The following PCNX2 variants were observed in gnomAD, a reference collection of about 807,000 sequenced individuals.
PCNX2 encodes pecanex 2.
Under a neutral mutation model 223.8 loss-of-function variants are expected in PCNX2, and 168 were observed. The ratio of observed to expected loss-of-function variants is 0.75; its 90% CI spans 0.66 to 0.85. The LOEUF is 0.85. Among genes scored for constraint, PCNX2 ranks in the 40% least tolerant of loss-of-function variants. The probability of loss-of-function intolerance (pLI) is 0.00; values close to 1 mark genes in which losing one functional copy is unlikely to be tolerated. For missense variants in PCNX2, 2,507 were observed against 2,675.5 expected (o/e 0.94, Z 1.39); for synonymous variants, 1,006 against 1,052.6 (o/e 0.96, Z 0.86).
At chr1:233,321,944 A>T in the PCNX2 span, among the ~76,000 whole-genome samples, 6 of 152,192 alleles carry the variant, frequency 3.9e-5, no homozygotes, top group African/African-American at 1.2e-4. Flanking sequence ...AGACCCCCTG[A>T]AAAGATCTCA....
At chr1:233,187,275 T>C (rs1411568021) in intron 15 of PCNX2, among the ~76,000 whole-genome samples, 4 of 152,214 alleles carry the variant, frequency 2.6e-5, no homozygotes, top group African/African-American at 7.2e-5. Flanking sequence ...ATTTTTCACA[T>C]AGAATTGATT....
In PCNX2 at chr1:233,120,221, G is replaced by A. The variant is rs1167575076; in HGVS notation, c.3837+14792C>T. ...AAAAAAGAAAAAAAAAGAGTATAGA[G>A]TATATAAAGAATTCTCAAAATTAAA... is the stretch of plus-strand genomic sequence containing the variant. On this transcript the variant is annotated intron_variant, in intron 21 of 33. Coordinates refer to ENST00000258229, the MANE Select transcript of PCNX2 (RefSeq NM_014801.4). Among the ~76,000 whole-genome samples, 4 of 135,978 alleles carry A rather than the reference G, an allele frequency of 2.9e-5. No homozygotes were observed. The East Asian group carries it at 8.7e-4, about 30-fold the overall frequency. The allele number at this position is 135,978 out of a possible 152,430, so 89.2% of individuals were successfully genotyped here.
At chr1:233,178,008 T>C (rs1679579943) in intron 16 of PCNX2, 110 bp from the exon 17 acceptor site, 1 of 731,940 alleles carries the variant, frequency 1.4e-6, no homozygotes, top group Non-Finnish European at 2.3e-6. Flanking sequence ...ACAAGTGCTC[T>C]CTTCATTTAA....
At chr1:233,129,903 A>G (rs114618546) in intron 21 of PCNX2, among the ~76,000 whole-genome samples, 1 of 152,210 alleles carries the variant, frequency 6.6e-6, no homozygotes, top group Non-Finnish European at 1.5e-5. Flanking sequence ...GCAATCTGCC[A>G]GGGTACTGAG....
At chr1:233,277,203 A>G (rs567754194) in intron 1 of PCNX2, among the ~76,000 whole-genome samples, 80 of 152,332 alleles carry the variant, frequency 5.3e-4, no homozygotes, top group African/African-American at 1.8e-3. Context: ...TGGGACTGTC[A>G]GATGACACAC....
rs1661996680 is a variant in PCNX2 at position 233,295,086 on chromosome 1, A to G, written c.153+240T>C. ...GTGACTCATCCTAACATCCGGCATC[A>G]ATTCTTAATGAGTCCCCGAGCCCCC... On this transcript the variant is annotated intron_variant, in intron 1 of 33. Coordinates refer to ENST00000258229, the MANE Select transcript of PCNX2 (RefSeq NM_014801.4). The surrounding 1 kb of genome is among the most constrained non-coding windows in gnomAD (Gnocchi z 4.1). Among the ~76,000 whole-genome samples the G allele has an allele frequency of 1.3e-5, 2 of 152,106 alleles. No homozygotes were observed. Among genetic ancestry groups the G allele is most frequent in the Non-Finnish European group, 2.9e-5 (2 of 68,022 alleles).
At chr1:233,319,972 T>C in the PCNX2 span, among the ~76,000 whole-genome samples, 8 of 152,366 alleles carry the variant, frequency 5.3e-5, no homozygotes, top group South Asian at 1.4e-3. Context: ...CATATGTTTA[T>C]AAATTTCTTT....
chr1:233,325,515 A>C, the PCNX2 span, among the ~76,000 whole-genome samples: 1 of 150,832 alleles, frequency 6.6e-6, no homozygotes, highest in Non-Finnish European at 1.5e-5. Flanking sequence ...AAAAAAAAAA[A>C]ACCAAAAAAA....
the PCNX2 span, among the ~76,000 whole-genome samples, chr1:233,305,640 A>C: frequency 6.6e-6 from 1 of 152,086 alleles, no homozygotes; most frequent in Non-Finnish European, 1.5e-5. Flanking sequence ...TTTTTTGTAG[A>C]GACAAGATCT....
intron 15 of PCNX2, among the ~76,000 whole-genome samples, chr1:233,195,843 G>T (rs1680696215): frequency 6.6e-6 from 1 of 152,160 alleles, no homozygotes; most frequent in African/African-American, 2.4e-5. Context: ...TAAGATGTCA[G>T]TTCTCCCCAA....
chr1:233,322,396 C>T, the PCNX2 span, among the ~76,000 whole-genome samples: 25 of 152,126 alleles, frequency 1.6e-4, no homozygotes, highest in South Asian at 2.7e-3. Context: ...AAAAATAGCA[C>T]CGAAGCAACA....
At position 233,054,344 on chromosome 1, in the gene PCNX2, G is replaced by A; in HGVS notation, c.4275C>T (p.Asp1425=). ...SGDCFILASD[D]LNAFVHLIEI... ...CAATCAGGTGAACAAAGGCATTGAG[G>A]TCATCTGAAGCCAAAATAAAGCAAT... The change falls in exon 25 of 34, where the codon GAC becomes GAT. Residue 1425 remains aspartate, a synonymous_variant. Transcript: ENST00000258229. The A allele has an allele frequency of 1.2e-6, 2 of 1,613,894 alleles. No individual in the cohort carries two copies. Among genetic ancestry groups the A allele is most frequent in the Non-Finnish European group, 1.7e-6 (2 of 1,179,868 alleles).
chr1:233,180,734 C>A (rs550819075), intron 15 of PCNX2: 2 of 152,092 alleles, frequency 1.3e-5, no homozygotes, highest in Non-Finnish European at 2.9e-5. Flanking sequence ...AGTCTAAACG[C>A]CCGAGAGCAG....
Position 232,986,284 on chromosome 1 carries a change from G to T in PCNX2, c.6048C>A (p.Leu2016=). ...TGGAGGAGCCCAGGCTGGACCTGAT[G>T]AGCGCCTCGGCCCGCTCACGGACAC... is the stretch of plus-strand genomic sequence containing the variant. ...HLSVRERAEA[L]IRSSLGSSTS... Residue 2016 remains leucine, a synonymous_variant, in exon 33 of 34, where the codon CTC becomes CTA. Coordinates refer to ENST00000258229, the MANE Select transcript of PCNX2 (RefSeq NM_014801.4). 1 of 1,563,474 alleles carries T rather than the reference G, an allele frequency of 6.4e-7. No individual in the cohort carries two copies. Among genetic ancestry groups the T allele is most frequent in the East Asian group, 2.4e-5 (1 of 41,870 alleles).
At chr1:233,227,526 C>T (rs565443393) in intron 9 of PCNX2, 155 bp from the exon 10 acceptor site, 2 of 389,268 alleles carry the variant, frequency 5.1e-6, no homozygotes, top group East Asian at 1.6e-4. Flanking sequence ...GATATGTAAA[C>T]CAACATATTT....
At chr1:233,125,908 C>G (rs1211183257) in intron 21 of PCNX2, 1 of 152,104 alleles carries the variant, frequency 6.6e-6, no homozygotes, top group Non-Finnish European at 1.5e-5. Context: ...CTTACGTAAA[C>G]TGTTAAATTC....
At chr1:233,295,798 A>T (rs954467073), upstream of PCNX2, 7 of 285,074 alleles carry the variant, frequency 2.5e-5, no homozygotes, top group Admixed American at 2.1e-4. The surrounding 1 kb of genome is among the most constrained non-coding windows in gnomAD (Gnocchi z 4.1). Flanking sequence ...ACGCCCGCCC[A>T]GTCCCTCCTT....
chr1:233,204,580 C>T (rs1322782080), intron 13 of PCNX2, among the ~76,000 whole-genome samples: 2 of 152,180 alleles, frequency 1.3e-5, no homozygotes, highest in East Asian at 3.9e-4. Flanking sequence ...ATAAGTTCCA[C>T]AAGGAAGAAA....
chr1:233,273,823 C>T (rs994988066), intron 1 of PCNX2, among the ~76,000 whole-genome samples: 1 of 152,022 alleles, frequency 6.6e-6, no homozygotes, highest in African/African-American at 2.4e-5. Context: ...CGGGGTTTCA[C>T]CATGTTGGCC....
Sources: gnomAD v4.1 joint callset for allele counts (sites outside exome capture counted in the v4.1 genomes callset) on GRCh38, gnomAD v4.1.1 for gene constraint, Gnocchi (gnomAD v3.1) non-coding constraint, MANE v1.5 for transcripts, NCBI Gene and HGNC (gene_info 2026-07-23, HGNC 2026-07-21) for gene names.